Variants in DLG2 observed in about 807,000 individuals in gnomAD.
DLG2 encodes the protein disks large homolog 2.
Under a neutral mutation model 132.5 loss-of-function variants are expected in DLG2, and 45 were observed. The ratio of observed to expected loss-of-function variants is 0.34; its 90% CI spans 0.27 to 0.44. DLG2 has a LOEUF of 0.44. Ranked by LOEUF, DLG2 falls within the 20% of genes least tolerant of loss-of-function variation. The pLI is 1.00. For synonymous variants in DLG2, 424 were observed against 419.6 expected, an observed-to-expected ratio of 1.01 and a Z score of -0.13; for missense variants, 1,045 against 1,196.9, an observed-to-expected ratio of 0.87 and a Z score of 1.87.
chr11:84,129,586 T>C (rs1211602832), intron 9 of DLG2, among the ~76,000 whole-genome samples: 1 of 151,738 alleles, frequency 6.6e-6, no homozygotes, highest in Non-Finnish European at 1.5e-5. Context: ...GGCAGAAGAG[T>C]GTATGGTAAG....
intron 3 of DLG2, among the ~76,000 whole-genome samples, chr11:85,422,931 C>T (rs912248063): frequency 3.3e-5 from 5 of 150,914 alleles, no homozygotes; most frequent in Non-Finnish European, 5.9e-5. Context: ...CTCCTGAATT[C>T]TTTTTCAGGT....
chr11:83,863,511 C>A (rs1052615796), intron 16 of DLG2, among the ~76,000 whole-genome samples: 1 of 151,680 alleles, frequency 6.6e-6, no homozygotes, highest in Non-Finnish European at 1.5e-5. Flanking sequence ...TGAGTCCTGG[C>A]GTGGAGGAGG....
At chr11:84,829,211 C>A (rs901986497) in intron 6 of DLG2, among the ~76,000 whole-genome samples, 5 of 151,682 alleles carry the variant, frequency 3.3e-5, no homozygotes, top group Non-Finnish European at 7.4e-5. Context: ...GCCCCACTCA[C>A]ATAGGACTTG....
At chr11:83,564,693 A>G (rs1162910486) in intron 19 of DLG2, among the ~76,000 whole-genome samples, 2 of 152,164 alleles carry the variant, frequency 1.3e-5, no homozygotes, top group Non-Finnish European at 2.9e-5. Context: ...TGGGTTATCT[A>G]CTTGTTTAGA....
At chr11:84,321,054 A>G (rs2098401611) in intron 7 of DLG2, among the ~76,000 whole-genome samples, 1 of 152,198 alleles carries the variant, frequency 6.6e-6, no homozygotes, top group Non-Finnish European at 1.5e-5. Flanking sequence ...AATTGAATCT[A>G]AGTGCTAAAC....
At chr11:85,088,769 G>C (rs2068320398) in intron 6 of DLG2, among the ~76,000 whole-genome samples, 1 of 152,108 alleles carries the variant, frequency 6.6e-6, no homozygotes, top group South Asian at 2.1e-4. Flanking sequence ...AGAAGCCCAA[G>C]TTTAGAATAC....
At chr11:83,858,193 C>T (rs2060862282) in intron 16 of DLG2, among the ~76,000 whole-genome samples, 1 of 152,128 alleles carries the variant, frequency 6.6e-6, no homozygotes, top group East Asian at 1.9e-4. Flanking sequence ...CAGGACTCTT[C>T]CCAAGCCCTG....
At chr11:84,134,775 C>A (rs555766130) in intron 9 of DLG2, among the ~76,000 whole-genome samples, 1 of 151,176 alleles carries the variant, frequency 6.6e-6, no homozygotes, top group South Asian at 2.1e-4. Context: ...TATGTTTGTA[C>A]AACTGATATA....
chr11:85,260,181 G>A (rs930579792), intron 4 of DLG2, among the ~76,000 whole-genome samples: 1 of 152,140 alleles, frequency 6.6e-6, no homozygotes, highest in African/African-American at 2.4e-5. Context: ...AGCATTGTGA[G>A]GATTAAATGA....
chr11:84,347,061 A>G (rs981667475), intron 7 of DLG2, among the ~76,000 whole-genome samples: 3 of 152,178 alleles, frequency 2.0e-5, no homozygotes, highest in African/African-American at 7.2e-5. Context: ...ACATACAGCC[A>G]TCTAATAAAA....
At position 83,565,729 on chromosome 11, in the gene DLG2, G is replaced by A. The variant is rs111349266; in HGVS notation, c.1941-23871C>T. ...TTGTTTCACAAACACTGTAACAAAT[G>A]ATTTTGAAGAGGACATCTTAGGATA... On this transcript the variant is annotated intron_variant, in intron 19 of 27. Transcript: ENST00000376104. Among the ~76,000 whole-genome samples, 94 of 152,328 alleles carry A rather than the reference G, an allele frequency of 6.2e-4. 1 individual carries two copies. Among genetic ancestry groups the A allele is most frequent in the African/African-American group, 2.1e-3 (87 of 41,584 alleles).
At chr11:84,108,505 C>T (rs562771006) in intron 9 of DLG2, among the ~76,000 whole-genome samples, 1 of 152,132 alleles carries the variant, frequency 6.6e-6, no homozygotes, top group South Asian at 2.1e-4. Flanking sequence ...GGTAGTGTGG[C>T]AGTTAAGTAT....
At chr11:84,257,022 T>TACTATGCA (rs1361909866) in intron 7 of DLG2, among the ~76,000 whole-genome samples, 2 of 152,340 alleles carry the variant, frequency 1.3e-5, no homozygotes, top group East Asian at 3.9e-4. Flanking sequence ...ATATTGGGGT[T>TACTATGCA]ACTATGCACA....
chr11:84,953,192 T>A (rs193112564), intron 6 of DLG2, among the ~76,000 whole-genome samples: 133 of 152,332 alleles, frequency 8.7e-4, no homozygotes, highest in African/African-American at 3.2e-3. Flanking sequence ...GAGGTGGAAT[T>A]GGGGGTGTTT....
chr11:84,854,078 T>C (rs1191555761), intron 6 of DLG2, among the ~76,000 whole-genome samples: 1 of 151,980 alleles, frequency 6.6e-6, no homozygotes, highest in African/African-American at 2.4e-5. Context: ...AACTAAGCCA[T>C]TGCTTATATG....
At chr11:84,957,443 G>T (rs1591819396) in intron 6 of DLG2, among the ~76,000 whole-genome samples, 1 of 152,278 alleles carries the variant, frequency 6.6e-6, no homozygotes, top group Admixed American at 6.5e-5. Context: ...ACACTTTAAT[G>T]GTTCAGCCTT....
intron 10 of DLG2, among the ~76,000 whole-genome samples, chr11:84,075,150 T>A (rs2096811144): frequency 6.6e-6 from 1 of 152,170 alleles, no homozygotes. Context: ...ACCTTAAATA[T>A]CACCTCCTCA....
rs1169267644 is a variant in DLG2 at position 84,454,645 on chromosome 11, T to C, written c.519+79925A>G. On this transcript the variant is annotated intron_variant, in intron 7 of 27. Coordinates refer to ENST00000376104, the MANE Select transcript of DLG2 (RefSeq NM_001142699.3). ...GTATTGTATTTATAAAATGAAATAC[T>C]GCTCAGCAATAAAAAGAACCATATT... Among the ~76,000 whole-genome samples the C allele has an allele frequency of 3.3e-5, 5 of 151,700 alleles. No homozygotes were observed. The South Asian group carries it at 1.0e-3, about 31-fold the overall frequency.
intron 11 of DLG2, among the ~76,000 whole-genome samples, chr11:83,996,503 C>T (rs973242929): frequency 7.2e-5 from 11 of 152,054 alleles, no homozygotes; most frequent in Non-Finnish European, 1.6e-4. Flanking sequence ...TATACTGAAG[C>T]GATATCTGCA....
Sources: allele counts gnomAD v4.1 joint callset (sites outside exome capture counted in the v4.1 genomes callset), GRCh38; gene constraint gnomAD v4.1.1; transcripts MANE v1.5; gene names NCBI Gene and HGNC (gene_info 2026-07-23, HGNC 2026-07-21).